Variants in CAB39 observed in about 807,000 individuals in gnomAD.
CAB39 encodes calcium binding protein 39.
In CAB39, 8 loss-of-function variants were observed where a neutral mutation model predicts 40.0. The observed-to-expected ratio is 0.20, with a 90% CI of 0.12 to 0.36. The LOEUF is 0.36. Ranked by LOEUF, CAB39 falls within the 10% of genes least tolerant of loss-of-function variation. The pLI, the probability that CAB39 is intolerant of heterozygous loss-of-function variation, is 1.00. For synonymous variants in CAB39, 156 were observed against 141.6 expected (o/e 1.10, Z -0.72); for missense variants, 270 against 401.1 (o/e 0.67, Z 2.79).
intron 5 of CAB39, among the ~76,000 whole-genome samples, chr2:230,804,723 C>T (rs552169325): frequency 5.5e-4 from 84 of 152,126 alleles, no homozygotes; most frequent in African/African-American, 2.0e-3. Flanking sequence ...GTTAGAATGG[C>T]GATCATTAAA....
chr2:230,807,546 A>T (rs1456538295), intron 5 of CAB39, among the ~76,000 whole-genome samples: 1 of 151,904 alleles, frequency 6.6e-6, no homozygotes, highest in East Asian at 1.9e-4. Flanking sequence ...AAAGCCATTG[A>T]GATTTGATTT....
chr2:230,722,832 G>T (rs1403760611), intron 1 of CAB39, among the ~76,000 whole-genome samples: 1 of 152,136 alleles, frequency 6.6e-6, no homozygotes, highest in Non-Finnish European at 1.5e-5. Flanking sequence ...ATCTCTAGTT[G>T]GATGTATCAT....
chr2:230,738,968 C>T (rs1005151087), intron 1 of CAB39, among the ~76,000 whole-genome samples: 23 of 152,212 alleles, frequency 1.5e-4, no homozygotes, highest in Admixed American at 1.5e-3. Flanking sequence ...CATAGCATTT[C>T]CAATCTACCT....
intron 6 of CAB39, among the ~76,000 whole-genome samples, chr2:230,812,533 C>A (rs753315088): frequency 4.6e-5 from 7 of 152,174 alleles, no homozygotes; most frequent in Non-Finnish European, 1.0e-4. Flanking sequence ...TCTTAACTTG[C>A]ATTTTCTGTA....
chr2:230,764,641 T>C (rs774458996), intron 2 of CAB39, among the ~76,000 whole-genome samples: 4 of 152,224 alleles, frequency 2.6e-5, no homozygotes, highest in Non-Finnish European at 5.9e-5. Flanking sequence ...TTATTCATGA[T>C]CTAGTCAAAT....
intron 1 of CAB39, among the ~76,000 whole-genome samples, chr2:230,756,069 T>A (rs1307797957): frequency 6.6e-6 from 1 of 151,964 alleles, no homozygotes; most frequent in Non-Finnish European, 1.5e-5. Context: ...AGCTGAAGAG[T>A]CCACTCTTAA....
chr2:230,808,333 C>T (rs1349091505), intron 5 of CAB39, among the ~76,000 whole-genome samples: 7 of 152,260 alleles, frequency 4.6e-5, no homozygotes, highest in East Asian at 1.9e-4. Flanking sequence ...CCACCCACCT[C>T]GGCCAGGCAC....
intron 2 of CAB39, among the ~76,000 whole-genome samples, chr2:230,767,928 C>T (rs1302031825): frequency 6.6e-6 from 1 of 152,174 alleles, no homozygotes; most frequent in Non-Finnish European, 1.5e-5. Context: ...CCATTTTTCA[C>T]CCAATCCTCT....
intron 2 of CAB39, 129 bp from the exon 3 acceptor site, chr2:230,790,743 C>A: frequency 1.3e-6 from 1 of 763,720 alleles, no homozygotes; most frequent in Non-Finnish European, 2.1e-6. Context: ...AGCTTGCCCA[C>A]TTTGCTTCTT....
At chr2:230,774,435 G>A (rs1463389542) in intron 2 of CAB39, among the ~76,000 whole-genome samples, 17 of 152,200 alleles carry the variant, frequency 1.1e-4, no homozygotes, top group East Asian at 5.8e-4. Context: ...TTAAAAAAGC[G>A]GTTAATGTTA....
chr2:230,814,253 G>A (rs1051372843), intron 7 of CAB39, 139 bp downstream of exon 7: 13 of 551,946 alleles, frequency 2.4e-5, no homozygotes, highest in South Asian at 6.6e-5. Context: ...AGATTTTTGC[G>A]GAAAGGAATG....
intron 2 of CAB39, among the ~76,000 whole-genome samples, chr2:230,764,207 C>T (rs1329044616): frequency 6.6e-6 from 1 of 152,126 alleles, no homozygotes; most frequent in Non-Finnish European, 1.5e-5. Flanking sequence ...AATAGGTATA[C>T]ATTCAGTAGA....
rs1696446317 is a variant in CAB39 at position 230,818,584 on chromosome 2, C to T, written c.906C>T (p.Leu302=). ...LDILLKNQAK[L]IEFLSKFQND... is the part of the protein sequence containing the mutation. ...TCCTCCTCAAGAACCAGGCCAAACTCATAGAGTTCCTCAGCAAGTTTCAGA... is the reference window on the plus strand; with the variant it reads ...TCCTCCTCAAGAACCAGGCCAAACTTATAGAGTTCCTCAGCAAGTTTCAGA... Residue 302 remains leucine, a synonymous_variant, in exon 9 of 9, where the codon CTC becomes CTT. Transcript: ENST00000258418. 1 of 1,614,052 alleles carries T rather than the reference C, an allele frequency of 6.2e-7. No individual in the cohort carries two copies. Among genetic ancestry groups the T allele is most frequent in the African/African-American group, 1.3e-5 (1 of 74,942 alleles).
intron 1 of CAB39, among the ~76,000 whole-genome samples, chr2:230,744,239 C>G (rs776739656): frequency 1.3e-5 from 2 of 149,402 alleles, no homozygotes; most frequent in African/African-American, 2.5e-5. Context: ...TTCTTAACTT[C>G]GAAGAGCTAC....
At chr2:230,754,267 C>G (rs192090979) in intron 1 of CAB39, among the ~76,000 whole-genome samples, 1 of 152,104 alleles carries the variant, frequency 6.6e-6, no homozygotes, top group Non-Finnish European at 1.5e-5. Context: ...ATAGACTGTA[C>G]CATATTTGTA....
At chr2:230,731,826 T>G (rs1694695645) in intron 1 of CAB39, among the ~76,000 whole-genome samples, 1 of 152,180 alleles carries the variant, frequency 6.6e-6, no homozygotes. Context: ...GATGTGTGAA[T>G]TTTATCTCAA....
intron 1 of CAB39, among the ~76,000 whole-genome samples, chr2:230,755,494 T>G (rs1407182393): frequency 1.3e-5 from 2 of 152,162 alleles, no homozygotes; most frequent in Non-Finnish European, 2.9e-5. Context: ...GGATTATTGG[T>G]TTTTTTCTTA....
intron 1 of CAB39, among the ~76,000 whole-genome samples, chr2:230,737,058 A>G (rs1694799673): frequency 6.6e-6 from 1 of 152,170 alleles, no homozygotes; most frequent in Admixed American, 6.5e-5. Context: ...CTAGTTACAT[A>G]AGTTGACTTG....
At chr2:230,737,515 A>G (rs996435614) in intron 1 of CAB39, among the ~76,000 whole-genome samples, 2 of 152,200 alleles carry the variant, frequency 1.3e-5, no homozygotes, top group Non-Finnish European at 2.9e-5. Flanking sequence ...AATCCAAAGG[A>G]TAGATTTTTG....
Sources: allele counts gnomAD v4.1 joint callset (sites outside exome capture counted in the v4.1 genomes callset), GRCh38; gene constraint gnomAD v4.1.1; transcripts MANE v1.5; gene names NCBI Gene and HGNC (gene_info 2026-07-23, HGNC 2026-07-21).